The following KANSL1 variants were observed in gnomAD, a reference collection of about 807,000 sequenced individuals.
The protein encoded by KANSL1 is KAT8 regulatory NSL complex subunit 1.
KANSL1 carries 22 observed loss-of-function variants against 103.6 expected under a neutral mutation model. The ratio of observed to expected loss-of-function variants is 0.21; its 90% CI spans 0.15 to 0.30. The LOEUF is 0.30. KANSL1 is among the 10% of genes least tolerant of loss of function. The probability of loss-of-function intolerance (pLI) is 1.00; values close to 1 mark genes in which losing one functional copy is unlikely to be tolerated. For synonymous variants in KANSL1, 600 were observed against 527.6 expected (o/e 1.14, Z -1.88); for missense variants, 1,337 against 1,399.8 (o/e 0.96, Z 0.72).
intron 1 of KANSL1, among the ~76,000 whole-genome samples, chr17:46,200,814 T>C (rs1347941427): frequency 6.6e-6 from 1 of 152,112 alleles, no homozygotes; most frequent in Admixed American, 6.6e-5. Flanking sequence ...ACTTGTAAAA[T>C]CTTGTTCTGA....
At chr17:46,179,053 G>T (rs2147812598) in intron 1 of KANSL1, among the ~76,000 whole-genome samples, 1 of 152,252 alleles carries the variant, frequency 6.6e-6, no homozygotes, top group African/African-American at 2.4e-5. Flanking sequence ...ATCACAGGGG[G>T]CTATCCTGGC....
chr17:46,094,276 T>G (rs953340113), intron 3 of KANSL1: 9 of 370,910 alleles, frequency 2.4e-5, no homozygotes, highest in African/African-American at 2.0e-4. Flanking sequence ...TTTGTAATTT[T>G]TGTAAAGACA....
intron 7 of KANSL1, chr17:46,042,335 T>A (rs1472248942): frequency 1.3e-5 from 2 of 152,242 alleles, no homozygotes; most frequent in Admixed American, 1.3e-4. Context: ...CCCATTATTA[T>A]CTGCCAGGCA....
chr17:46,123,053 G>GT (rs2043354080), intron 2 of KANSL1, among the ~76,000 whole-genome samples: 2 of 152,240 alleles, frequency 1.3e-5, no homozygotes, highest in African/African-American at 4.8e-5. Context: ...ACTTGCGGAT[G>GT]TTTTCTGGTA....
intron 2 of KANSL1, among the ~76,000 whole-genome samples, chr17:46,160,414 T>A (rs549610124): frequency 6.6e-6 from 1 of 152,278 alleles, no homozygotes; most frequent in Non-Finnish European, 1.5e-5. Context: ...TCCTCCTACC[T>A]CAGCCTCCCG....
At chr17:46,079,274 T>C (rs1223350159) in intron 4 of KANSL1, among the ~76,000 whole-genome samples, 1 of 152,228 alleles carries the variant, frequency 6.6e-6, no homozygotes, top group Non-Finnish European at 1.5e-5. Context: ...CCCAAGCAGA[T>C]ATATACTGGT....
At chr17:46,188,425 T>C (rs1188341791) in intron 1 of KANSL1, among the ~76,000 whole-genome samples, 1 of 152,224 alleles carries the variant, frequency 6.6e-6, no homozygotes, top group Non-Finnish European at 1.5e-5. Context: ...AACTGTAATT[T>C]AAACATACAT....
In KANSL1 at chr17:46,046,528, CAAAAAAAAAAAAAA is replaced by C. The variant is rs58711350; in HGVS notation, c.2020+3991_2020+4004del. Among the ~76,000 whole-genome samples the C allele has an allele frequency of 7.5e-4, 25 of 33,176 alleles. 2 individuals carry two copies. In the Middle Eastern group the frequency reaches 0.17, roughly 221 times the overall value. 21.8% of individuals were successfully genotyped at this position (33,176 alleles called of 152,430 possible). On this transcript the variant is annotated intron_variant, in intron 7 of 14. Transcript: ENST00000432791. ...CCTGAGTGACAGAGTGAGACTCTGT[CAAAAAAAAAAAAAA>C]AAAAAAAAAAAAAAGCCAGGTGCGG... is the stretch of plus-strand genomic sequence containing the variant.
chr17:46,125,238 A>G (rs181632992), intron 2 of KANSL1, among the ~76,000 whole-genome samples: 1 of 152,318 alleles, frequency 6.6e-6, no homozygotes, highest in African/African-American at 2.4e-5. Context: ...TCACTTCATG[A>G]AGGCTCAGGT....
chr17:46,125,173 G>C (rs976772027), intron 2 of KANSL1, among the ~76,000 whole-genome samples: 23 of 151,970 alleles, frequency 1.5e-4, no homozygotes, highest in African/African-American at 5.6e-4. Flanking sequence ...ACCCTGGCTA[G>C]TCAGCAGCCA....
Position 46,206,623 on chromosome 17 carries a change from A to G in KANSL1, c.-90+17048T>C, listed in dbSNP as rs184724853. ...CTGGGACAACTGAATATTCACATGC[A>G]GTAGAATGAAGCTGGACCACTATAT... is the stretch of plus-strand genomic sequence containing the variant. On this transcript the variant is annotated intron_variant, in intron 1 of 14. Transcript: ENST00000572904. Among the ~76,000 whole-genome samples, 20 of 152,388 alleles carry G rather than the reference A, an allele frequency of 1.3e-4. No individual in the cohort carries two copies. The East Asian group carries it at 3.5e-3, about 26-fold the overall frequency.
chr17:46,036,364 C>G (rs2077148673), intron 10 of KANSL1, among the ~76,000 whole-genome samples: 1 of 152,160 alleles, frequency 6.6e-6, no homozygotes, highest in African/African-American at 2.4e-5. Context: ...TACTTGATTT[C>G]AAGGAGAGCT....
intron 4 of KANSL1, among the ~76,000 whole-genome samples, chr17:46,079,834 A>G (rs146152122): frequency 1.1e-3 from 171 of 152,226 alleles, no homozygotes; most frequent in African/African-American, 4.0e-3. Flanking sequence ...AAAATTAGCC[A>G]GACATGGTGG....
chr17:46,073,887 A>G (rs549072967), intron 4 of KANSL1, among the ~76,000 whole-genome samples: 54 of 152,280 alleles, frequency 3.5e-4, no homozygotes, highest in African/African-American at 1.3e-3. Context: ...TACGGGTACT[A>G]GGATTAAACG....
At chr17:46,163,263 G>C (rs549654656) in intron 2 of KANSL1, among the ~76,000 whole-genome samples, 1 of 152,204 alleles carries the variant, frequency 6.6e-6, no homozygotes, top group Non-Finnish European at 1.5e-5. Context: ...GTTAATGAAT[G>C]AATTAATCAA....
chr17:46,069,068 G>C (rs940198913), intron 4 of KANSL1, among the ~76,000 whole-genome samples: 15 of 152,150 alleles, frequency 9.9e-5, no homozygotes, highest in African/African-American at 3.6e-4. Context: ...TGGGATTACA[G>C]GCACACACTA....
chr17:46,197,480 TA>T, upstream of KANSL1, among the ~76,000 whole-genome samples: 1 of 152,136 alleles, frequency 6.6e-6, no homozygotes, highest in Non-Finnish European at 1.5e-5. Flanking sequence ...CCGCCTCTAC[TA>T]AAAATACAAA....
intron 2 of KANSL1, among the ~76,000 whole-genome samples, chr17:46,136,153 C>T (rs886599006): frequency 5.9e-5 from 9 of 152,064 alleles, no homozygotes; most frequent in Non-Finnish European, 2.9e-5. Context: ...ACTCTATATG[C>T]TAATCAAACA....
At chr17:46,038,411 C>T in intron 10 of KANSL1, 127 bp downstream of exon 10, 1 of 977,654 alleles carries the variant, frequency 1.0e-6, no homozygotes, top group East Asian at 2.6e-5. Context: ...ATACATATGT[C>T]ATGATGAGCT....
Sources: gnomAD v4.1 joint callset for allele counts (sites outside exome capture counted in the v4.1 genomes callset) on GRCh38, gnomAD v4.1.1 for gene constraint, MANE v1.5 for transcripts, NCBI Gene and HGNC (gene_info 2026-07-23, HGNC 2026-07-21) for gene names.